DPH6: variants seen among roughly 807,000 people sequenced by gnomAD.
The protein encoded by DPH6 is diphthine--ammonia ligase.
Under a neutral mutation model 38.2 loss-of-function variants are expected in DPH6, and 33 were observed. That is an observed-to-expected ratio of 0.86 (90% CI 0.65 to 1.15). DPH6 has a LOEUF of 1.15. DPH6 is among the 50% of genes most tolerant of loss of function. The pLI is 0.00. For synonymous variants in DPH6, 108 were observed against 103.0 expected (o/e 1.05, Z -0.30); for missense variants, 325 against 320.0 (o/e 1.02, Z -0.12).
intron 3 of DPH6, among the ~76,000 whole-genome samples, chr15:35,493,750 T>G (rs909986754): frequency 6.6e-6 from 1 of 152,026 alleles, no homozygotes; most frequent in Non-Finnish European, 1.5e-5. Flanking sequence ...AGAGGGTTGT[T>G]GGGATGGGGG....
At chr15:35,367,653 T>C (rs987473371), downstream of DPH6, among the ~76,000 whole-genome samples, 4 of 151,814 alleles carry the variant, frequency 2.6e-5, no homozygotes. Context: ...CCATGTTTAG[T>C]TGATATCATT....
chr15:35,529,050 T>C (rs561858936), intron 3 of DPH6, among the ~76,000 whole-genome samples: 1 of 152,194 alleles, frequency 6.6e-6, no homozygotes, highest in Non-Finnish European at 1.5e-5. Context: ...TACAAGACTT[T>C]GGCTAAGAAC....
intron 3 of DPH6, chr15:35,521,320 CA>C (rs2054919607): frequency 2.0e-6 from 2 of 998,316 alleles, no homozygotes; most frequent in East Asian, 1.0e-4. Context: ...ACATAATAAA[CA>C]ACCTTTTTTA....
At chr15:35,422,758 CT>C (rs2053521960) in intron 5 of DPH6, among the ~76,000 whole-genome samples, 1 of 151,854 alleles carries the variant, frequency 6.6e-6, no homozygotes, top group Non-Finnish European at 1.5e-5. Flanking sequence ...CCATTCTATT[CT>C]TTATTTCTTA....
chr15:35,224,496 A>G (rs2051466270), intron 3 of DPH6, among the ~76,000 whole-genome samples: 1 of 152,208 alleles, frequency 6.6e-6, no homozygotes, highest in Non-Finnish European at 1.5e-5. Context: ...GGTTGCTTCA[A>G]ATGTTTAGCA....
chr15:35,426,419 AAGG>A (rs2053571375), intron 5 of DPH6, among the ~76,000 whole-genome samples: 1 of 151,826 alleles, frequency 6.6e-6, no homozygotes, highest in Admixed American at 6.6e-5. Flanking sequence ...CTTTTCTAAG[AAGG>A]TTATTGCAAT....
chr15:35,332,163 A>C (rs948536055), intron 3 of DPH6, among the ~76,000 whole-genome samples: 3 of 152,166 alleles, frequency 2.0e-5, no homozygotes, highest in Non-Finnish European at 4.4e-5. Flanking sequence ...CTATTCCTAA[A>C]TTTTAAAATA....
chr15:35,493,779 A>G (rs2054513916), intron 3 of DPH6, among the ~76,000 whole-genome samples: 1 of 152,286 alleles, frequency 6.6e-6, no homozygotes, highest in Admixed American at 6.5e-5. Flanking sequence ...ATGGTTTAGG[A>G]ATGACAGCAG....
rs573243441 is a variant in DPH6, at chr15:35,536,830, T to C, written c.312+1444A>G. On this transcript the variant is annotated intron_variant, in intron 3 of 8. Coordinates refer to ENST00000256538, the MANE Select transcript of DPH6 (RefSeq NM_080650.4). ...AAAGTGAAAACTGTCAAGATCATAA[T>C]TGCACCCTTTTGGAGATATGACCAC... is the stretch of plus-strand genomic sequence containing the variant. Among the ~76,000 whole-genome samples, 19 of 152,232 alleles carry C rather than the reference T, an allele frequency of 1.2e-4. No homozygotes were observed. In the East Asian group the frequency reaches 3.5e-3, roughly 28 times the overall value.
intron 3 of DPH6, among the ~76,000 whole-genome samples, chr15:35,354,766 G>C (rs1344706044): frequency 6.6e-6 from 1 of 152,048 alleles, no homozygotes; most frequent in Admixed American, 6.6e-5. Flanking sequence ...GTCTCTGCAG[G>C]CTTTGCTATC....
At chr15:35,217,761 G>A (rs573979799) in exon 4 of DPH6, 1 of 152,310 alleles carries the variant, frequency 6.6e-6, no homozygotes, top group South Asian at 2.1e-4. Flanking sequence ...TACAATTAGA[G>A]CAAAGCCACA....
chr15:35,213,495 C>T (rs921371286), downstream of DPH6, among the ~76,000 whole-genome samples: 1 of 152,166 alleles, frequency 6.6e-6, no homozygotes, highest in African/African-American at 2.4e-5. Context: ...CCCCCACCTC[C>T]CCACTAGACC....
intron 3 of DPH6, among the ~76,000 whole-genome samples, chr15:35,338,239 C>T (rs545868849): frequency 6.6e-6 from 1 of 152,140 alleles, no homozygotes; most frequent in African/African-American, 2.4e-5. Flanking sequence ...TCAGAGTGAA[C>T]AGGCAACCTA....
At chr15:35,413,211 A>G (rs1194659842) in intron 5 of DPH6, among the ~76,000 whole-genome samples, 2 of 151,662 alleles carry the variant, frequency 1.3e-5, no homozygotes, top group African/African-American at 2.4e-5. Context: ...AATTTCATAA[A>G]TGCTCCATTT....
At chr15:35,429,836 T>C (rs1595555824) in intron 5 of DPH6, among the ~76,000 whole-genome samples, 2 of 152,148 alleles carry the variant, frequency 1.3e-5, no homozygotes, top group Non-Finnish European at 2.9e-5. Context: ...ATGAATAATA[T>C]TTTGTTAACG....
intron 3 of DPH6, among the ~76,000 whole-genome samples, chr15:35,464,711 T>C (rs1275995607): frequency 1.3e-5 from 2 of 152,198 alleles, no homozygotes; most frequent in African/African-American, 4.8e-5. Context: ...TAATATGTCA[T>C]AGTCCTATTC....
intron 3 of DPH6, among the ~76,000 whole-genome samples, chr15:35,331,921 G>C: frequency 6.6e-6 from 1 of 152,178 alleles, no homozygotes; most frequent in Middle Eastern, 3.2e-3. Context: ...CTCTGAGGCA[G>C]AAGAATGGAG....
intron 3 of DPH6, among the ~76,000 whole-genome samples, chr15:35,313,241 T>A (rs865864635): frequency 7.4e-4 from 102 of 138,446 alleles, no homozygotes; most frequent in Middle Eastern, 3.7e-3. Flanking sequence ...TAAAAAAAAA[T>A]TTTTTTTTTT....
At chr15:35,498,662 A>G (rs186670646) in intron 3 of DPH6, among the ~76,000 whole-genome samples, 135 of 152,286 alleles carry the variant, frequency 8.9e-4, no homozygotes, top group African/African-American at 2.9e-3. Context: ...TCTAAACAAC[A>G]GTCACGACCT....
Sources: gnomAD v4.1 joint callset for allele counts (sites outside exome capture counted in the v4.1 genomes callset) on GRCh38, gnomAD v4.1.1 for gene constraint, MANE v1.5 for transcripts, NCBI Gene and HGNC (gene_info 2026-07-23, HGNC 2026-07-21) for gene names.